Variants in CNGB1 observed in about 807,000 individuals in gnomAD.
CNGB1 encodes the protein cyclic nucleotide-gated channel beta-1.
In CNGB1, 126 loss-of-function variants were observed where a neutral mutation model predicts 151.7. That is an observed-to-expected ratio of 0.83 (90% CI 0.72 to 0.96). The LOEUF (loss-of-function observed/expected upper bound fraction) is 0.96. Ranked by LOEUF, CNGB1 falls within the 40% of genes least tolerant of loss-of-function variation. The pLI, the probability that CNGB1 is intolerant of heterozygous loss-of-function variation, is 0.00. For missense variants in CNGB1, 1,698 were observed against 1,627.0 expected (o/e 1.04, Z -0.75); for synonymous variants, 623 against 635.1 (o/e 0.98, Z 0.29).
At chr16:57,913,078 G>T in intron 23 of CNGB1, 84 bp from the exon 24 acceptor site, 2 of 1,270,264 alleles carry the variant, frequency 1.6e-6, no homozygotes, top group Non-Finnish European at 1.1e-6. Context: ...GAGACTCAGG[G>T]CTCTTCCTGC....
intron 14 of CNGB1, among the ~76,000 whole-genome samples, chr16:57,944,951 T>TAA (rs367717137): frequency 0.023 from 2,388 of 104,060 alleles, 77 homozygotes; most frequent in African/African-American, 0.072. Flanking sequence ...ACTCTGTCTT[T>TAA]AAAAAAAAAA....
chr16:57,958,324 AG>A (rs374160839), intron 11 of CNGB1, 85 bp downstream of exon 11: 2 of 762,092 alleles, frequency 2.6e-6, no homozygotes, highest in Non-Finnish European at 1.9e-6. Flanking sequence ...CTTCTGCCAC[AG>A]GGCCAACCAT....
intron 17 of CNGB1, among the ~76,000 whole-genome samples, chr16:57,925,328 A>C (rs954826894): frequency 8.5e-5 from 13 of 152,166 alleles, no homozygotes; most frequent in Non-Finnish European, 1.5e-4. Context: ...TAAATTACCC[A>C]GTCTCGGGTA....
intron 27 of CNGB1, 50 bp from the exon 28 acceptor site, chr16:57,901,675 A>T: frequency 6.7e-7 from 1 of 1,495,904 alleles, no homozygotes; most frequent in Non-Finnish European, 9.3e-7. Flanking sequence ...GCCCCACCCC[A>T]GACATACATA....
At chr16:57,967,719 A>T (rs914268513) in intron 1 of CNGB1, among the ~76,000 whole-genome samples, 2 of 151,964 alleles carry the variant, frequency 1.3e-5, no homozygotes, top group Non-Finnish European at 2.9e-5. Flanking sequence ...ATATATACAC[A>T]TACATATATA....
At chr16:57,962,944 G>A (rs778507832) in intron 5 of CNGB1, 30 bp downstream of exon 5, 32 of 1,612,280 alleles carry the variant, frequency 2.0e-5, no homozygotes, top group Admixed American at 1.0e-4. Flanking sequence ...TCTCCAACCC[G>A]GCCCCTTCAG....
At chr16:57,901,074 T>C (rs1960371542) in intron 29 of CNGB1, among the ~76,000 whole-genome samples, 1 of 151,898 alleles carries the variant, frequency 6.6e-6, no homozygotes. Context: ...GGGGGGTCTT[T>C]GTCCTGGCCC....
intron 18 of CNGB1, among the ~76,000 whole-genome samples, chr16:57,921,672 GCT>G (rs1961039707): frequency 6.6e-6 from 1 of 152,180 alleles, no homozygotes; most frequent in Non-Finnish European, 1.5e-5. Context: ...TGGAATGTGA[GCT>G]CTCAGACACA....
chr16:57,930,154 C>T (rs934650470), intron 17 of CNGB1, among the ~76,000 whole-genome samples: 1 of 152,062 alleles, frequency 6.6e-6, no homozygotes, highest in South Asian at 2.1e-4. Flanking sequence ...TAACACTATT[C>T]ACAATGGCCA....
At position 57,955,420 on chromosome 16, in the gene CNGB1, ATGAGTGAG is replaced by A; in HGVS notation, c.874+1913_874+1920del. 9.8e-6 allele frequency: 14 copies of A among 1,434,652 alleles called. No individual in the cohort carries two copies. In the South Asian group the frequency reaches 1.2e-4, roughly 13 times the overall value. The allele number at this position is 1,434,652 out of a possible 1,614,324, so 88.9% of individuals were successfully genotyped here. ...GTGGCTGGGTGGACAGGCGGAGGGAATGAGTGAGTGAGTGAGTGAGTGGATGAGTGAAT... is the reference window on the plus strand; with the variant it reads ...GTGGCTGGGTGGACAGGCGGAGGGAATGAGTGAGTGAGTGGATGAGTGAAT... On this transcript the variant is annotated intron_variant, in intron 12 of 32. Transcript: ENST00000251102.
chr16:57,929,477 G>GAGAGAGAGAGAA lies in CNGB1; in HGVS notation c.1535+2238_1535+2239insTTCTCTCTCTCT, dbSNP rs1491445274. ...AGGGAGAGAGGAAAAGAGAGAGAGG[G>GAGAGAGAGAGAA]AGAGAGAGAGAGACTTTTTCTTTTT... On this transcript the variant is annotated intron_variant, in intron 17 of 32. Transcript: ENST00000251102. 9.7e-5 allele frequency among the ~76,000 whole-genome samples: 3 copies of GAGAGAGAGAGAA among 30,826 alleles called. No individual in the cohort carries two copies. In the African/African-American group the frequency reaches 1.4e-3, roughly 14 times the overall value. The allele number at this position is 30,826 out of a possible 152,430, so 20.2% of individuals were successfully genotyped here. A position where few individuals can be genotyped will look rare whatever the true frequency, so the allele number is the denominator to read the frequency against.
rs527671017 is a variant in CNGB1 at position 57,904,927 on chromosome 16, G to A, written c.2493-52C>T. 161 of 1,610,726 alleles carry A rather than the reference G, an allele frequency of 1.0e-4. 2 individuals are homozygous for A. The highest frequency in any genetic ancestry group is 9.2e-4 in the South Asian group (84 of 90,914). On this transcript the variant is annotated intron_variant, in intron 25 of 32. Transcript: ENST00000251102. ...GGGTCATCACAGGCCCCACTCTGCC[G>A]CCCCGAGCAGTCTGGCTCAGACGCC...
chr16:57,960,481 C>A lies in CNGB1; in HGVS notation c.583+1G>T. 1 of 1,613,456 alleles carries A rather than the reference C, an allele frequency of 6.2e-7. No homozygotes were observed. The highest frequency in any genetic ancestry group is 8.5e-7 in the Non-Finnish European group (1 of 1,179,720). On this transcript the variant is annotated splice_donor_variant, in intron 9 of 32. Transcript: ENST00000251102. LOFTEE classifies it high-confidence loss of function. ...CCCCTCCCGAGCTCCCCTCCCTGTA[C>A]CTGGGTCTGAGGCAGCACCTGTAGC...
intron 13 of CNGB1, 110 bp from the exon 14 acceptor site, chr16:57,949,549 G>T: frequency 6.4e-7 from 1 of 1,569,598 alleles, no homozygotes; most frequent in Non-Finnish European, 8.7e-7. Context: ...GCCCAGACCT[G>T]GACTTTCCAA....
At chr16:57,950,615 C>A (rs1597005828) in intron 12 of CNGB1, 75 bp from the exon 13 acceptor site, 1 of 1,542,804 alleles carries the variant, frequency 6.5e-7, no homozygotes. Context: ...CCCAGGGAGC[C>A]TGCAGGGAGC....
chr16:57,952,677 T>G (rs1355270733), intron 12 of CNGB1, among the ~76,000 whole-genome samples: 2 of 151,780 alleles, frequency 1.3e-5, no homozygotes, highest in African/African-American at 4.8e-5. Flanking sequence ...ATGTTTGTAT[T>G]TTTAGTAGAG....
Position 57,911,762 on chromosome 16 carries a change from A to ACGCCAT in CNGB1, c.2477_2482dup (p.Asp826_Gly827dup), listed in dbSNP as rs762906693. The ACGCCAT allele has an allele frequency of 2.5e-6, 4 of 1,613,970 alleles. No homozygotes were observed. The highest frequency in any genetic ancestry group is 1.1e-5 in the South Asian group (1 of 91,076). On this transcript the variant is annotated inframe_insertion, in exon 25 of 33. Coordinates refer to ENST00000251102, the MANE Select transcript of CNGB1 (RefSeq NM_001297.5). ...GAGGACTGTGGCTCACCTGTTTCCC[A>ACGCCAT]CGCCATCGTAAACCCAGTGAGTGGA...
chr16:57,932,816 G>A (rs1235365874), intron 16 of CNGB1, among the ~76,000 whole-genome samples: 5 of 152,120 alleles, frequency 3.3e-5, no homozygotes, highest in East Asian at 3.9e-4. Flanking sequence ...TCCTGACCTC[G>A]TGATCCACCT....
At chr16:57,959,142 T>C (rs1186994150) in intron 10 of CNGB1, among the ~76,000 whole-genome samples, 5 of 152,074 alleles carry the variant, frequency 3.3e-5, no homozygotes, top group Admixed American at 2.0e-4. Flanking sequence ...GTGAACCCAA[T>C]GATGCATGCA....
Sources: allele counts gnomAD v4.1 joint callset (sites outside exome capture counted in the v4.1 genomes callset), GRCh38; gene constraint gnomAD v4.1.1; transcripts MANE v1.5; gene names NCBI Gene and HGNC (gene_info 2026-07-23, HGNC 2026-07-21).